The following EPM2A variants were observed in gnomAD, a reference collection of about 807,000 sequenced individuals.
EPM2A encodes laforin.
EPM2A carries 21 observed loss-of-function variants against 26.5 expected under a neutral mutation model. That is an observed-to-expected ratio of 0.79 (90% CI 0.56 to 1.14). The LOEUF is 1.14. EPM2A is among the 50% of genes most tolerant of loss of function. The pLI, the probability that EPM2A is intolerant of heterozygous loss-of-function variation, is 0.00. For missense variants in EPM2A, 458 were observed against 440.8 expected, an observed-to-expected ratio of 1.04 and a Z score of -0.35; for synonymous variants, 217 against 177.6, an observed-to-expected ratio of 1.22 and a Z score of -1.76.
At chr6:145,461,525 G>A (rs145986546) in intron 4 of EPM2A, among the ~76,000 whole-genome samples, 1 of 152,110 alleles carries the variant, frequency 6.6e-6, no homozygotes, top group African/African-American at 2.4e-5. Context: ...TCTCTGTAAG[G>A]TTTAATGACT....
intron 2 of EPM2A, among the ~76,000 whole-genome samples, chr6:145,528,735 G>A (rs1193370658): frequency 1.3e-5 from 2 of 152,130 alleles, no homozygotes; most frequent in Admixed American, 1.3e-4. Context: ...ATGGATCAAG[G>A]AGTAACTTTA....
intron 4 of EPM2A, among the ~76,000 whole-genome samples, chr6:145,389,564 T>A (rs1778310685): frequency 6.6e-6 from 1 of 152,166 alleles, no homozygotes; most frequent in Non-Finnish European, 1.5e-5. Flanking sequence ...GAATGTAAGC[T>A]CCAAGGGGAC....
intron 2 of EPM2A, among the ~76,000 whole-genome samples, chr6:145,510,666 C>T (rs1027124204): frequency 2.0e-5 from 3 of 151,888 alleles, no homozygotes; most frequent in Non-Finnish European, 2.9e-5. Flanking sequence ...AACAAACTAA[C>T]CTTGCATCTA....
chr6:145,582,477 G>T (rs1781129035), intron 2 of EPM2A, among the ~76,000 whole-genome samples: 1 of 152,150 alleles, frequency 6.6e-6, no homozygotes, highest in South Asian at 2.1e-4. Context: ...GTCTAGTTCA[G>T]GTCCCAATTA....
chr6:145,433,918 C>T (rs1778952982), intron 4 of EPM2A, among the ~76,000 whole-genome samples: 1 of 151,974 alleles, frequency 6.6e-6, no homozygotes, highest in African/African-American at 2.4e-5. Context: ...GATCATGTCC[C>T]TTCTACTGGA....
chr6:145,693,593 G>A (rs1233536655), intron 1 of EPM2A, among the ~76,000 whole-genome samples: 1 of 151,956 alleles, frequency 6.6e-6, no homozygotes. Flanking sequence ...CTATTCAGGT[G>A]ACAGACACAC....
chr6:145,407,740 C>A (rs1021906083), intron 4 of EPM2A, among the ~76,000 whole-genome samples: 1 of 151,956 alleles, frequency 6.6e-6, no homozygotes, highest in South Asian at 2.1e-4. Flanking sequence ...GAATATGAAC[C>A]TTTTATTCAT....
chr6:145,418,770 T>C (rs1031407306), intron 4 of EPM2A, among the ~76,000 whole-genome samples: 3 of 152,234 alleles, frequency 2.0e-5, no homozygotes, highest in Non-Finnish European at 4.4e-5. Context: ...ACTGTTGCTC[T>C]GATTCAGACT....
At chr6:145,718,773 C>G in intron 1 of EPM2A, among the ~76,000 whole-genome samples, 1 of 151,998 alleles carries the variant, frequency 6.6e-6, no homozygotes, top group Non-Finnish European at 1.5e-5. Flanking sequence ...CAAATTTACA[C>G]ACAAAAAACG....
intron 4 of EPM2A, among the ~76,000 whole-genome samples, chr6:145,465,259 C>T (rs888100831): frequency 6.6e-5 from 10 of 151,932 alleles, no homozygotes; most frequent in South Asian, 4.2e-4. Flanking sequence ...CAGTTGATCG[C>T]ATCGGCTCCT....
At chr6:145,454,219 C>T (rs952305832) in intron 4 of EPM2A, among the ~76,000 whole-genome samples, 2 of 152,012 alleles carry the variant, frequency 1.3e-5, no homozygotes, top group East Asian at 1.9e-4. Flanking sequence ...TCCCAAGTGC[C>T]GGAAGTGGTG....
At chr6:145,639,384 C>T (rs182832907) in intron 2 of EPM2A, 1 of 152,142 alleles carries the variant, frequency 6.6e-6, no homozygotes, top group Non-Finnish European at 1.5e-5. Context: ...ATAAAAACAT[C>T]TATTACCAGG....
chr6:145,555,049 C>A (rs558922309), intron 2 of EPM2A, among the ~76,000 whole-genome samples: 3 of 152,210 alleles, frequency 2.0e-5, no homozygotes, highest in African/African-American at 7.2e-5. Flanking sequence ...ATCAACTTAT[C>A]ACCATAGCCT....
At chr6:145,576,468 A>T (rs966689329) in intron 2 of EPM2A, among the ~76,000 whole-genome samples, 6 of 152,226 alleles carry the variant, frequency 3.9e-5, no homozygotes, top group Non-Finnish European at 1.5e-5. Flanking sequence ...TGGGCAGTTT[A>T]AAACTAATAA....
chr6:145,450,394 G>A (rs964499284), intron 4 of EPM2A, among the ~76,000 whole-genome samples: 1 of 151,476 alleles, frequency 6.6e-6, no homozygotes, highest in Admixed American at 6.6e-5. Flanking sequence ...CATTGGTGGG[G>A]GTATAAATTG....
chr6:145,548,794 G>A (rs1458199657), intron 2 of EPM2A, among the ~76,000 whole-genome samples: 2 of 151,958 alleles, frequency 1.3e-5, no homozygotes, highest in African/African-American at 2.4e-5. Flanking sequence ...CACTTTGCTT[G>A]CTCTACTCAA....
intron 2 of EPM2A, among the ~76,000 whole-genome samples, chr6:145,664,899 G>C (rs1012464639): frequency 6.7e-5 from 10 of 149,752 alleles, no homozygotes; most frequent in South Asian, 4.3e-4. Flanking sequence ...TGAACAACCT[G>C]CTCCTGAATG....
intron 4 of EPM2A, among the ~76,000 whole-genome samples, chr6:145,476,826 A>G (rs557983005): frequency 5.3e-5 from 8 of 152,126 alleles, no homozygotes; most frequent in African/African-American, 4.8e-5. Context: ...GTTTACAGCT[A>G]TAAGTGCCTA....
chr6:145,572,025 C>T lies in EPM2A; in HGVS notation c.340+63220G>A, dbSNP rs183254637. ...TTTCAATCATGCTTCTTCCAAGTCG[C>T]TGACCATCCAGCCAAACCATTGGCT... On this transcript the variant is annotated intron_variant, in intron 2 of 3. Coordinates refer to the EPM2A transcript ENST00000450221. Among the ~76,000 whole-genome samples, 453 of 152,352 alleles carry T rather than the reference C, an allele frequency of 3.0e-3. 3 individuals are homozygous for T. Among genetic ancestry groups the T allele is most frequent in the Middle Eastern group, 0.024 (7 of 294 alleles).
Sources: gnomAD v4.1 joint callset for allele counts (sites outside exome capture counted in the v4.1 genomes callset) on GRCh38, gnomAD v4.1.1 for gene constraint, MANE v1.5 for transcripts, NCBI Gene and HGNC (gene_info 2026-07-23, HGNC 2026-07-21) for gene names.